Variants in ERBB4 observed in about 807,000 individuals in gnomAD.
ERBB4 encodes the protein receptor tyrosine-protein kinase erbB-4.
In ERBB4, 42 loss-of-function variants were observed where a neutral mutation model predicts 158.0. The ratio of observed to expected loss-of-function variants is 0.27; its 90% confidence interval spans 0.21 to 0.34. The LOEUF (loss-of-function observed/expected upper bound fraction) is 0.34, where lower values mean the gene tolerates loss of function less well. ERBB4 is among the 10% of genes least tolerant of loss of function. ERBB4 has a pLI of 1.00. For missense variants in ERBB4, 1,333 were observed against 1,624.1 expected (o/e 0.82, Z 3.08); for synonymous variants, 583 against 558.7 (o/e 1.04, Z -0.61).
At position 211,657,736 on chromosome 2, in the gene ERBB4, AAAC is replaced by A; in HGVS notation, c.1946+15_1946+17del. ...GGAAAGGATTTGAGCGACAAAATGG[AAAC>A]ATGGTAGATGTTACCTAGCATGTTG... is the stretch of plus-strand genomic sequence containing the variant. On this transcript the variant is annotated intron_variant, in intron 16 of 27. Transcript: ENST00000342788. The A allele has an allele frequency of 1.3e-6, 2 of 1,595,896 alleles. No homozygotes were observed. The highest frequency in any genetic ancestry group is 1.7e-6 in the Non-Finnish European group (2 of 1,163,224).
chr2:211,448,467 TACAC>T (rs3067955), intron 20 of ERBB4, among the ~76,000 whole-genome samples: 158 of 149,626 alleles, frequency 1.1e-3, no homozygotes, highest in African/African-American at 3.3e-3. Flanking sequence ...CCCAAACAGA[TACAC>T]ACACACACAC....
At chr2:211,922,971 G>T (rs767776726) in intron 3 of ERBB4, among the ~76,000 whole-genome samples, 1 of 152,146 alleles carries the variant, frequency 6.6e-6, no homozygotes, top group Non-Finnish European at 1.5e-5. Context: ...AACAATAGAT[G>T]AAGTGGTTTG....
At chr2:212,164,296 T>TA (rs11386427) in intron 1 of ERBB4, among the ~76,000 whole-genome samples, 106,787 of 151,654 alleles carry the variant, frequency 0.7, 38,291 homozygotes, top group Middle Eastern at 0.76. Flanking sequence ...ATGATATTTT[T>TA]AAAAAAACAA....
chr2:211,431,641 T>C lies in ERBB4; in HGVS notation c.2488-541A>G, dbSNP rs763201856. Among the ~76,000 whole-genome samples the C allele has an allele frequency of 2.6e-5, 4 of 152,184 alleles. No individual in the cohort carries two copies. The South Asian group carries it at 8.3e-4, about 31-fold the overall frequency. ...CTTATTATACTATTCTTATTAATCA[T>C]GCACAGAATGAAGTATATACCCTAG... On this transcript the variant is annotated intron_variant, in intron 20 of 27. Transcript: ENST00000342788.
intron 2 of ERBB4, among the ~76,000 whole-genome samples, chr2:211,968,959 T>C (rs968200735): frequency 6.6e-6 from 1 of 152,026 alleles, no homozygotes; most frequent in South Asian, 2.1e-4. Context: ...ATTAGTAATG[T>C]ACATTTTCTG....
intron 20 of ERBB4, among the ~76,000 whole-genome samples, chr2:211,489,424 C>A (rs1223001422): frequency 2.6e-5 from 4 of 151,918 alleles, no homozygotes; most frequent in Non-Finnish European, 5.9e-5. Flanking sequence ...TAATACCAAT[C>A]TCAAAGTGTT....
chr2:212,034,433 T>C (rs2076969283), intron 2 of ERBB4, among the ~76,000 whole-genome samples: 1 of 152,060 alleles, frequency 6.6e-6, no homozygotes, highest in Non-Finnish European at 1.5e-5. Context: ...TAAAAAGGAA[T>C]AGTGGTTATG....
At chr2:212,105,954 C>G (rs1379044841) in intron 2 of ERBB4, among the ~76,000 whole-genome samples, 1 of 152,150 alleles carries the variant, frequency 6.6e-6, no homozygotes, top group African/African-American at 2.4e-5. Context: ...CTTTTGCTTT[C>G]CAACATGATT....
intron 4 of ERBB4, among the ~76,000 whole-genome samples, chr2:211,763,140 T>A (rs554821961): frequency 7.7e-4 from 117 of 152,226 alleles, no homozygotes; most frequent in African/African-American, 2.6e-3. Context: ...TCTGAGAAGG[T>A]ACAAAAGATA....
chr2:212,370,698 T>G (rs2090053759), intron 1 of ERBB4, among the ~76,000 whole-genome samples: 1 of 152,170 alleles, frequency 6.6e-6, no homozygotes, highest in Non-Finnish European at 1.5e-5. Context: ...CTTACTACTA[T>G]TTTATTGTTC....
At chr2:211,524,902 C>T (rs12694236) in intron 20 of ERBB4, among the ~76,000 whole-genome samples, 44,330 of 152,074 alleles carry the variant, frequency 0.29, 7,520 homozygotes, top group East Asian at 0.62. Context: ...TGAGAGCGAG[C>T]GAGGGCTGTA....
At chr2:211,488,551 G>A (rs776353639) in intron 20 of ERBB4, among the ~76,000 whole-genome samples, 1 of 151,904 alleles carries the variant, frequency 6.6e-6, no homozygotes, top group Non-Finnish European at 1.5e-5. Flanking sequence ...TGCCTTAGAA[G>A]GCTAGTTTCT....
At position 212,277,130 on chromosome 2, in the gene ERBB4, G is replaced by A. The variant is rs187313873; in HGVS notation, c.83-152227C>T. Among the ~76,000 whole-genome samples the A allele has an allele frequency of 3.3e-5, 5 of 151,886 alleles. No individual in the cohort carries two copies. The East Asian group carries it at 9.7e-4, about 30-fold the overall frequency. ...GAGAGAATAGTCAGCAAGCTAGGGGGAATGAGGTATATTAGAAATAAGTTG... is the reference window on the plus strand; with the variant it reads ...GAGAGAATAGTCAGCAAGCTAGGGGAAATGAGGTATATTAGAAATAAGTTG... On this transcript the variant is annotated intron_variant, in intron 1 of 27. Coordinates refer to ENST00000342788, the MANE Select transcript of ERBB4 (RefSeq NM_005235.3).
At chr2:211,550,646 C>T (rs989961572) in intron 20 of ERBB4, among the ~76,000 whole-genome samples, 2 of 140,328 alleles carry the variant, frequency 1.4e-5, no homozygotes, top group Admixed American at 7.2e-5. Context: ...TATGAATATA[C>T]TTAGGAATAT....
intron 1 of ERBB4, among the ~76,000 whole-genome samples, chr2:212,395,592 C>T (rs571109955): frequency 6.9e-6 from 1 of 144,218 alleles, no homozygotes; most frequent in Non-Finnish European, 1.5e-5. Flanking sequence ...AATGACAGGA[C>T]AGAATAGCAA....
At chr2:211,866,165 C>A in intron 3 of ERBB4, among the ~76,000 whole-genome samples, 1 of 152,106 alleles carries the variant, frequency 6.6e-6, no homozygotes. Flanking sequence ...GCAGGAGAAT[C>A]GCCTGTACCC....
At chr2:211,941,306 T>G (rs1348392694) in intron 3 of ERBB4, among the ~76,000 whole-genome samples, 1 of 151,964 alleles carries the variant, frequency 6.6e-6, no homozygotes, top group Non-Finnish European at 1.5e-5. Flanking sequence ...GAATAGATCT[T>G]CTAATGTAAA....
intron 2 of ERBB4, among the ~76,000 whole-genome samples, chr2:211,989,618 C>A (rs983497342): frequency 1.6e-4 from 24 of 151,818 alleles, no homozygotes; most frequent in Non-Finnish European, 3.4e-4. Flanking sequence ...CATCTTATTT[C>A]AAGTATGCAC....
chr2:211,662,945 T>C (rs985925339), intron 15 of ERBB4, among the ~76,000 whole-genome samples: 1 of 152,196 alleles, frequency 6.6e-6, no homozygotes, highest in Non-Finnish European at 1.5e-5. Context: ...AGAACTGGCC[T>C]GGTGAGCTCA....
Sources: allele counts gnomAD v4.1 joint callset (sites outside exome capture counted in the v4.1 genomes callset), GRCh38; gene constraint gnomAD v4.1.1; transcripts MANE v1.5; gene names NCBI Gene and HGNC (gene_info 2026-07-23, HGNC 2026-07-21).